The following LLGL2 variants were observed in gnomAD, a reference collection of about 807,000 sequenced individuals.
LLGL2 encodes LLGL scribble cell polarity complex component 2.
In LLGL2, 81 loss-of-function variants were observed where a neutral mutation model predicts 123.2. That is an observed-to-expected ratio of 0.66 (90% CI 0.55 to 0.79). The LOEUF (loss-of-function observed/expected upper bound fraction) is 0.79. Among genes scored for constraint, LLGL2 ranks in the 30% least tolerant of loss-of-function variants. The probability of loss-of-function intolerance (pLI) is 0.00; values close to 1 mark genes in which losing one functional copy is unlikely to be tolerated. For synonymous variants in LLGL2, 577 were observed against 594.1 expected (o/e 0.97, Z 0.42); for missense variants, 1,273 against 1,414.6 (o/e 0.90, Z 1.61).
intron 2 of LLGL2, among the ~76,000 whole-genome samples, chr17:75,545,111 C>T (rs1045535954): frequency 1.1e-4 from 16 of 152,116 alleles, no homozygotes; most frequent in East Asian, 3.9e-4. Context: ...CTGAACACCC[C>T]CCTACCCCTG....
At chr17:75,555,759 G>A (rs1295520767) in intron 2 of LLGL2, among the ~76,000 whole-genome samples, 1 of 152,214 alleles carries the variant, frequency 6.6e-6, no homozygotes, top group Admixed American at 6.5e-5. Context: ...CAGGGTGCAC[G>A]TGGTGGAGGC....
chr17:75,549,543 C>T lies in LLGL2; in HGVS notation c.75+6042C>T, dbSNP rs1390284707. Among the ~76,000 whole-genome samples, 2 of 151,792 alleles carry T rather than the reference C, an allele frequency of 1.3e-5. No homozygotes were observed. The highest frequency in any genetic ancestry group is 1.9e-4 in the East Asian group (1 of 5,156). On this transcript the variant is annotated intron_variant, in intron 2 of 25. Coordinates refer to ENST00000392550, the MANE Select transcript of LLGL2 (RefSeq NM_001031803.2). This position sits in a 1 kb window ranked among gnomAD's most constrained non-coding sequence, Gnocchi z 4.0. ...GGCCAGGTTGTTCTGTATTGGCTTT[C>T]GAATGGCTGGGCCCCTGGTGTCAGG...
chr17:75,537,684 G>A (rs751950610), intron 1 of LLGL2, among the ~76,000 whole-genome samples: 7 of 151,448 alleles, frequency 4.6e-5, no homozygotes, highest in Non-Finnish European at 8.8e-5. Flanking sequence ...GCGACAGAGC[G>A]AGACTCCATC....
rs537323275 is a variant in LLGL2 at position 75,571,534 on chromosome 17, T to C, written c.2177-133T>C. 107 of 692,222 alleles carry C rather than the reference T, an allele frequency of 1.5e-4. No homozygotes were observed. The African/African-American group carries it at 1.6e-3, about 10-fold the overall frequency. The allele number at this position is 692,222 out of a possible 1,614,324, so 42.9% of individuals were successfully genotyped here. A position where few individuals can be genotyped will look rare whatever the true frequency, so the allele number is the denominator to read the frequency against. ...TGACCTGGGATTGGGGTCTTCTATG[T>C]TGGGGCCTGTGTGGTTGTCAGAGAG... On this transcript the variant is annotated intron_variant, in intron 17 of 25. Transcript: ENST00000392550.
At chr17:75,525,408 C>T (rs1283527781), upstream of LLGL2, among the ~76,000 whole-genome samples, 1 of 152,012 alleles carries the variant, frequency 6.6e-6, no homozygotes, top group Non-Finnish European at 1.5e-5. This position sits in a 1 kb window ranked among gnomAD's most constrained non-coding sequence, Gnocchi z 4.8. Context: ...CGCAGGCGTT[C>T]CGGGAACTAT....
rs765192866 is a variant in LLGL2 at position 75,571,962 on chromosome 17, C to T, written c.2358C>T (p.Ser786=). The part of the protein sequence containing the change: ...VVGILVLDGH[S]VPLPEPLEVA... ...GCATCCTGGTGCTCGACGGACACAG[C>T]GTACCCCTTCCCGAGCCCCTCGAAG... Residue 786 remains serine (S), a synonymous_variant, in exon 19 of 26, where the codon AGC becomes AGT. Coordinates refer to ENST00000392550, the MANE Select transcript of LLGL2 (RefSeq NM_001031803.2). 20 of 1,612,702 alleles carry T rather than the reference C, an allele frequency of 1.2e-5. No individual in the cohort carries two copies. The highest frequency in any genetic ancestry group is 1.6e-4 in the Middle Eastern group (1 of 6,084).
In LLGL2 at chr17:75,564,281, T is replaced by C; in HGVS notation, c.882-72T>C. The C allele has an allele frequency of 1.3e-6, 2 of 1,542,424 alleles. No homozygotes were observed. Among genetic ancestry groups the C allele is most frequent in the Non-Finnish European group, 8.7e-7 (1 of 1,148,138 alleles). ...GGGGACCTTGACTGAGTGGTGACTT[T>C]GATTGCCGGCCTGTGGCTGTTGAGG... On this transcript the variant is annotated intron_variant, in intron 9 of 25. Coordinates refer to ENST00000392550, the MANE Select transcript of LLGL2 (RefSeq NM_001031803.2). This position sits in a 1 kb window ranked among gnomAD's most constrained non-coding sequence, Gnocchi z 4.9.
chr17:75,529,883 T>A (rs527825854), intron 1 of LLGL2, among the ~76,000 whole-genome samples: 88 of 152,232 alleles, frequency 5.8e-4, no homozygotes, highest in African/African-American at 1.7e-3. Flanking sequence ...TAATAATTTT[T>A]AAAAAAAGAT....
rs2055623428 is a variant in LLGL2, at chr17:75,570,001, G to C, written c.1620G>C (p.Gln540His). 1 of 1,609,624 alleles carries C rather than the reference G, an allele frequency of 6.2e-7. No individual in the cohort carries two copies. The highest frequency in any genetic ancestry group is 1.3e-5 in the African/African-American group (1 of 74,892). The change falls in exon 15 of 26, where the codon CAG becomes CAC. Residue 540 changes from glutamine to histidine, a missense_variant. Physicochemically the swap from Gln to His is conservative, Grantham distance 24. Coordinates refer to ENST00000392550, the MANE Select transcript of LLGL2 (RefSeq NM_001031803.2). ...VLELNDEAAE[Q>H]AVEQVEADLL... The stretch of plus-strand genomic sequence containing the variant: ...AACTGAATGACGAGGCAGCGGAGCA[G>C]GCTGTGGAGCAGGTGGAGGCCGACC...
In LLGL2 at chr17:75,544,412, C is replaced by T. The variant is rs1319661683; in HGVS notation, c.75+911C>T. Among the ~76,000 whole-genome samples, 1 of 152,228 alleles carries T rather than the reference C, an allele frequency of 6.6e-6. No homozygotes were observed. Among genetic ancestry groups the T allele is most frequent in the African/African-American group, 2.4e-5 (1 of 41,452 alleles). Reference sequence around the variant, plus strand: ...AGGAAGCAGTGGATGTGAGACCAGACAGTCTGGAAAAGGGATGTCTCCCTG... The same window carrying T: ...AGGAAGCAGTGGATGTGAGACCAGATAGTCTGGAAAAGGGATGTCTCCCTG... On this transcript the variant is annotated intron_variant, in intron 2 of 25. Coordinates refer to ENST00000392550, the MANE Select transcript of LLGL2 (RefSeq NM_001031803.2). This position sits in a 1 kb window ranked among gnomAD's most constrained non-coding sequence, Gnocchi z 4.2.
At chr17:75,532,081 T>TACACACACACAC (rs1568015954) in intron 1 of LLGL2, among the ~76,000 whole-genome samples, 8 of 29,462 alleles carry the variant, frequency 2.7e-4, no homozygotes, top group African/African-American at 6.9e-4. Context: ...CACACACTTT[T>TACACACACACAC]TTTTTTTTTT....
rs372940306 is a variant in LLGL2, at chr17:75,560,802, TAAAAAA to T, written c.530+1417_530+1422del. ...CGCCTGGCCCAGTTTGTTTATTTAT[TAAAAAA>T]AAAAAAAAAAAAAAAAAAAAAAAAC... On this transcript the variant is annotated intron_variant, in intron 6 of 25. Transcript: ENST00000392550. 1.4e-3 allele frequency among the ~76,000 whole-genome samples: 137 copies of T among 96,112 alleles called. 1 individual carries two copies. Among genetic ancestry groups the T allele is most frequent in the African/African-American group, 4.2e-3 (128 of 30,526 alleles). 63.1% of individuals were successfully genotyped at this position (96,112 alleles called of 152,430 possible).
chr17:75,525,221 G>A (rs1305893643), upstream of LLGL2: 1 of 134,086 alleles, frequency 7.5e-6, no homozygotes, highest in Non-Finnish European at 1.6e-5. The surrounding 1 kb of genome is among the most constrained non-coding windows in gnomAD (Gnocchi z 4.8). Flanking sequence ...GTCTCGCCGC[G>A]ACGCCCCGGT....
chr17:75,557,058 T>G (rs1280428581), intron 3 of LLGL2, among the ~76,000 whole-genome samples: 1 of 136,506 alleles, frequency 7.3e-6, no homozygotes, highest in Non-Finnish European at 1.6e-5. Flanking sequence ...TTTTTTTTTT[T>G]TGTGGAGACA....
rs1568052320 is a variant in LLGL2, at chr17:75,558,921, ACCCCACCTC to A, written c.371+296_371+304del. On this transcript the variant is annotated intron_variant, in intron 5 of 25. Coordinates refer to ENST00000392550, the MANE Select transcript of LLGL2 (RefSeq NM_001031803.2). This position sits in a 1 kb window ranked among gnomAD's most constrained non-coding sequence, Gnocchi z 4.0. ...TCCACACCACGCCTCCTCCATCCGC[ACCCCACCTC>A]CTCCATCCGCACCCCGCCTCCTCCA... 9.2e-3 allele frequency: 2,741 copies of A among 299,002 alleles called. 627 individuals carry two copies. Among genetic ancestry groups the A allele is most frequent in the African/African-American group, 0.079 (2,452 of 31,078 alleles). The allele number at this position is 299,002 out of a possible 1,614,324, so 18.5% of individuals were successfully genotyped here.
rs1451939714 is a variant in LLGL2 at position 75,564,006 on chromosome 17, C to T, written c.881+200C>T. Among the ~76,000 whole-genome samples the T allele has an allele frequency of 6.6e-6, 1 of 152,230 alleles. No individual in the cohort carries two copies. The highest frequency in any genetic ancestry group is 2.4e-5 in the African/African-American group (1 of 41,456). On this transcript the variant is annotated intron_variant, in intron 9 of 25. Coordinates refer to ENST00000392550, the MANE Select transcript of LLGL2 (RefSeq NM_001031803.2). This position sits in a 1 kb window ranked among gnomAD's most constrained non-coding sequence, Gnocchi z 4.9. ...CCAATTCCTGCCAAGTTCATTCTTG[C>T]TCCTTTCTTCCACCTTCCCAGAGAG...
At chr17:75,529,571 A>G (rs1206093598) in intron 1 of LLGL2, among the ~76,000 whole-genome samples, 1 of 151,854 alleles carries the variant, frequency 6.6e-6, no homozygotes, top group African/African-American at 2.4e-5. Flanking sequence ...CAAAAAATAA[A>G]AAAAAATTAG....
chr17:75,531,209 TCCTGG>T (rs957842935), intron 1 of LLGL2, among the ~76,000 whole-genome samples: 11 of 152,130 alleles, frequency 7.2e-5, no homozygotes, highest in Non-Finnish European at 1.3e-4. Flanking sequence ...TGCCAGGACT[TCCTGG>T]CCCCGGGACC....
chr17:75,558,140 T>TGA lies in LLGL2; in HGVS notation c.174-13_174-12dup. The TGA allele has an allele frequency of 6.2e-7, 1 of 1,613,478 alleles. No homozygotes were observed. The highest frequency in any genetic ancestry group is 8.5e-7 in the Non-Finnish European group (1 of 1,179,650). ...GGTGTCCGACCTTCCAGAGCTTTCC[T>TGA]GAGCCTACTCCTAGCTACGGAGCCC... On this transcript the variant is annotated splice_polypyrimidine_tract_variant and intron_variant, in intron 3 of 25. Transcript: ENST00000392550. The surrounding 1 kb of genome is among the most constrained non-coding windows in gnomAD (Gnocchi z 4.0).
Sources: gnomAD v4.1 joint callset for allele counts (sites outside exome capture counted in the v4.1 genomes callset) on GRCh38, gnomAD v4.1.1 for gene constraint, Gnocchi (gnomAD v3.1) non-coding constraint, MANE v1.5 for transcripts, NCBI Gene and HGNC (gene_info 2026-07-23, HGNC 2026-07-21) for gene names.